EPHA6: variants seen among roughly 807,000 people sequenced by gnomAD.
The protein encoded by EPHA6 is EPH receptor A6.
A neutral mutation model predicts 112.0 loss-of-function variants in EPHA6; 50 were observed. The observed-to-expected ratio is 0.45, with a 90% confidence interval of 0.36 to 0.56. The LOEUF is 0.56. EPHA6 is among the 20% of genes least tolerant of loss of function. EPHA6 has a pLI of 0.00. For missense variants in EPHA6, 1,280 were observed against 1,417.4 expected (o/e 0.90, Z 1.56); for synonymous variants, 529 against 490.7 (o/e 1.08, Z -1.03).
intron 3 of EPHA6, among the ~76,000 whole-genome samples, chr3:97,217,175 G>A (rs905637389): frequency 6.6e-6 from 1 of 152,104 alleles, no homozygotes; most frequent in Non-Finnish European, 1.5e-5. Flanking sequence ...ACAGATCTGA[G>A]AGTTCAGGGA....
At chr3:97,154,985 T>G (rs2076256694) in intron 3 of EPHA6, among the ~76,000 whole-genome samples, 1 of 152,158 alleles carries the variant, frequency 6.6e-6, no homozygotes, top group South Asian at 2.1e-4. Flanking sequence ...TTAGGTAAAA[T>G]AAAGATTATA....
chr3:97,556,324 C>G (rs535094684), intron 11 of EPHA6, among the ~76,000 whole-genome samples: 8 of 152,122 alleles, frequency 5.3e-5, no homozygotes, highest in African/African-American at 1.9e-4. Flanking sequence ...GTGCATTAGT[C>G]TATTACCATG....
At chr3:97,528,184 T>A (rs1285585124) in intron 10 of EPHA6, among the ~76,000 whole-genome samples, 7 of 152,284 alleles carry the variant, frequency 4.6e-5, no homozygotes, top group Non-Finnish European at 1.0e-4. Flanking sequence ...GACCCTACTT[T>A]GTCTCATTTT....
chr3:97,454,724 A>G (rs1179616783), intron 7 of EPHA6, among the ~76,000 whole-genome samples: 1 of 151,890 alleles, frequency 6.6e-6, no homozygotes, highest in East Asian at 1.9e-4. Context: ...AACCTCCATT[A>G]TGTTTGATCC....
rs568352897 is a variant in EPHA6, at chr3:97,283,594, G to A, written c.1606+39307G>A. Among the ~76,000 whole-genome samples, 11 of 151,922 alleles carry A rather than the reference G, an allele frequency of 7.2e-5. No homozygotes were observed. The South Asian group carries it at 1.5e-3, about 20-fold the overall frequency. Reference sequence around the variant, plus strand: ...CTAAACAGTCTACACATCACACACCGGAGCCTTTCAGGGGGGTGAGGGGCA... The same window carrying A: ...CTAAACAGTCTACACATCACACACCAGAGCCTTTCAGGGGGGTGAGGGGCA... On this transcript the variant is annotated intron_variant, in intron 5 of 17. Transcript: ENST00000389672.
At chr3:97,599,772 A>T (rs1323726476) in intron 12 of EPHA6, among the ~76,000 whole-genome samples, 4 of 152,076 alleles carry the variant, frequency 2.6e-5, no homozygotes, top group Non-Finnish European at 5.9e-5. Context: ...TTCCATATGA[A>T]CTTTAAAGTA....
chr3:97,580,882 A>G (rs1409869676), intron 11 of EPHA6, among the ~76,000 whole-genome samples: 2 of 152,156 alleles, frequency 1.3e-5, no homozygotes, highest in Non-Finnish European at 2.9e-5. Context: ...CCCATTTCAC[A>G]CTTATGATCT....
chr3:97,652,162 T>C (rs1284530383), intron 14 of EPHA6, among the ~76,000 whole-genome samples: 2 of 152,092 alleles, frequency 1.3e-5, no homozygotes. Context: ...GCTTAATCGC[T>C]AGTTTCATCT....
intron 3 of EPHA6, among the ~76,000 whole-genome samples, chr3:97,054,462 C>T (rs922012761): frequency 6.6e-6 from 1 of 152,062 alleles, no homozygotes; most frequent in Non-Finnish European, 1.5e-5. Flanking sequence ...CATTCCTCTA[C>T]TACTCCCATT....
chr3:96,862,569 G>C (rs1442010186), intron 1 of EPHA6, among the ~76,000 whole-genome samples: 1 of 151,610 alleles, frequency 6.6e-6, no homozygotes, highest in Non-Finnish European at 1.5e-5. Context: ...CTTTCTTAGT[G>C]GCTTGATTTA....
chr3:97,132,427 A>G (rs537628216), intron 3 of EPHA6, among the ~76,000 whole-genome samples: 1 of 152,202 alleles, frequency 6.6e-6, no homozygotes, highest in African/African-American at 2.4e-5. Flanking sequence ...AAAATCATTC[A>G]TTCAACTTAG....
At chr3:97,400,989 T>A (rs555533529) in intron 5 of EPHA6, among the ~76,000 whole-genome samples, 86 of 151,904 alleles carry the variant, frequency 5.7e-4, no homozygotes, top group South Asian at 1.0e-3. Flanking sequence ...TGTGCTGGTA[T>A]TATTTCAGTT....
intron 1 of EPHA6, among the ~76,000 whole-genome samples, chr3:96,823,507 CTTCTT>C (rs968413376): frequency 7.7e-6 from 1 of 129,754 alleles, no homozygotes; most frequent in African/African-American, 3.0e-5. Flanking sequence ...TTAAAAATCT[CTTCTT>C]TTCTTTCTCT....
At chr3:97,319,314 G>A (rs886437949) in intron 5 of EPHA6, among the ~76,000 whole-genome samples, 2 of 151,064 alleles carry the variant, frequency 1.3e-5, no homozygotes, top group African/African-American at 4.9e-5. Flanking sequence ...CATTGACATG[G>A]CATTGTTTTT....
At chr3:97,244,651 A>G in intron 5 of EPHA6, 1 of 294,502 alleles carries the variant, frequency 3.4e-6, no homozygotes, top group Non-Finnish European at 6.2e-6. Flanking sequence ...TTATGCTGCC[A>G]TCCTTTTTGC....
chr3:97,706,358 T>C (rs1381171160), intron 14 of EPHA6, among the ~76,000 whole-genome samples: 3 of 152,168 alleles, frequency 2.0e-5, no homozygotes, highest in Non-Finnish European at 4.4e-5. Context: ...TCAAACCAAA[T>C]TTTGTATAAT....
chr3:96,978,808 C>T (rs1042941538), intron 2 of EPHA6, among the ~76,000 whole-genome samples: 4 of 152,070 alleles, frequency 2.6e-5, no homozygotes, highest in South Asian at 2.1e-4. Flanking sequence ...TGGTTTATAT[C>T]GGTTCTGATT....
intron 7 of EPHA6, among the ~76,000 whole-genome samples, chr3:97,472,995 C>G (rs759863918): frequency 2.5e-4 from 38 of 151,692 alleles, no homozygotes; most frequent in Admixed American, 7.9e-4. Flanking sequence ...ACCTACCTAT[C>G]AAGACCATTG....
At position 97,701,348 on chromosome 3, in the gene EPHA6, G is replaced by A. The variant is rs548992153; in HGVS notation, c.2785-18913G>A. On this transcript the variant is annotated intron_variant, in intron 14 of 17. Transcript: ENST00000389672. ...GTCCCAAAGCCTAAGAAAGAGCTCA[G>A]TATTGGCTGAATGTTCCATCTTGGG... Among the ~76,000 whole-genome samples, 244 of 152,266 alleles carry A rather than the reference G, an allele frequency of 1.6e-3. 2 individuals are homozygous for A. The highest frequency in any genetic ancestry group is 0.01 in the Middle Eastern group (3 of 294).
Sources: allele counts gnomAD v4.1 joint callset (sites outside exome capture counted in the v4.1 genomes callset), GRCh38; gene constraint gnomAD v4.1.1; transcripts MANE v1.5; gene names NCBI Gene and HGNC (gene_info 2026-07-23, HGNC 2026-07-21).